PFN4: variants seen among roughly 807,000 people sequenced by gnomAD.
PFN4 encodes the protein profilin-4.
Under a neutral mutation model 16.3 loss-of-function variants are expected in PFN4, and 10 were observed. The observed-to-expected ratio is 0.61, with a 90% CI of 0.38 to 1.04. The LOEUF (loss-of-function observed/expected upper bound fraction) is 1.04, where lower values mean the gene tolerates loss of function less well. PFN4 is among the 50% of genes least tolerant of loss of function. The pLI is 0.01. For missense variants in PFN4, 136 were observed against 153.6 expected (o/e 0.89, Z 0.61); for synonymous variants, 54 against 56.9 (o/e 0.95, Z 0.23).
chr2:24,121,196 GAC>G lies in PFN4; in HGVS notation c.220_221del (p.Val74ProfsTer4). The G allele has an allele frequency of 6.2e-7, 1 of 1,614,122 alleles. No homozygotes were observed. The highest frequency in any genetic ancestry group is 1.1e-5 in the South Asian group (1 of 91,070). ...CATAAAGAGAATATTCATCTGCCCG[GAC>G]ACATCTGTAATCTTTTCCCTTGAAA... ...LYFKGKDYRC[V>X]RADEYSLYAK... On this transcript the variant is annotated frameshift_variant, in exon 3 of 5. Transcript: ENST00000313213. LOFTEE classifies it high-confidence loss of function.
At chr2:24,120,290 A>C (rs2151007023) in intron 3 of PFN4, among the ~76,000 whole-genome samples, 1 of 151,968 alleles carries the variant, frequency 6.6e-6, no homozygotes, top group South Asian at 2.1e-4. Flanking sequence ...CAACAACAAA[A>C]CAAAACAAAA....
chr2:24,119,393 G>A (rs2151005832), intron 4 of PFN4, among the ~76,000 whole-genome samples, 184 bp downstream of exon 4: 1 of 152,172 alleles, frequency 6.6e-6, no homozygotes, highest in East Asian at 1.9e-4. Context: ...TCCAGTCCCT[G>A]AATCTACCTT....
chr2:24,116,117 A>G (rs2151002662), intron 4 of PFN4, among the ~76,000 whole-genome samples: 1 of 152,088 alleles, frequency 6.6e-6, no homozygotes, highest in South Asian at 2.1e-4. Flanking sequence ...TCATGAGGTC[A>G]GGAGATCGAG....
intron 4 of PFN4, 84 bp downstream of exon 4, chr2:24,119,493 G>T: frequency 1.1e-6 from 1 of 949,236 alleles, no homozygotes; most frequent in Non-Finnish European, 1.6e-6. Context: ...TGCCCTAGCT[G>T]GTTTGAGTTG....
chr2:24,121,049 G>T, intron 3 of PFN4, 114 bp downstream of exon 3: 1 of 1,378,132 alleles, frequency 7.3e-7, no homozygotes, highest in Non-Finnish European at 9.9e-7. Flanking sequence ...CAAGACAATG[G>T]CTCAAGACAT....
Position 24,122,486 on chromosome 2 carries a change from T to A in PFN4, c.50A>T (p.His17Leu). The A allele has an allele frequency of 5.0e-6, 8 of 1,614,192 alleles. No homozygotes were observed. The highest frequency in any genetic ancestry group is 1.1e-5 in the South Asian group (1 of 91,086). The part of the protein sequence containing the change: ...LLLDTLLGTK[H>L]VDSAALIKIQ... ...TTTGATGAGGGCTGCACTGTCCACA[T>A]GCTTGGTTCCCAAGAGGGTGTCTAA... is the stretch of plus-strand genomic sequence containing the variant. The change falls in exon 2 of 5, where the codon CAT becomes CTT. Residue 17 changes from histidine to leucine, a missense_variant. By Grantham distance (99) the His-to-Leu change is moderately conservative. Transcript: ENST00000313213.
Position 24,115,291 on chromosome 2 carries a change from G to A in PFN4, c.*292C>T, listed in dbSNP as rs1342315384. ...GCATTCTTGGCATACTTAGCAAGGT[G>A]TGTAGGAGTACAAGAGCCTCACAGA... is the stretch of plus-strand genomic sequence containing the variant. On this transcript the variant is annotated 3_prime_UTR_variant, in exon 5 of 5. Transcript: ENST00000313213. 1.0e-5 allele frequency: 4 copies of A among 382,402 alleles called. No homozygotes were observed. The Admixed American group carries it at 1.5e-4, about 15-fold the overall frequency. The allele number at this position is 382,402 out of a possible 1,614,324, so 23.7% of individuals were successfully genotyped here. A position where few individuals can be genotyped will look rare whatever the true frequency, so the allele number is the denominator to read the frequency against.
intron 4 of PFN4, 81 bp from the exon 5 acceptor site, chr2:24,115,692 C>T (rs1468811003): frequency 1.5e-5 from 22 of 1,484,922 alleles, no homozygotes; most frequent in Non-Finnish European, 1.9e-5. Flanking sequence ...TTTATTATTC[C>T]ACAAACATTG....
In PFN4 at chr2:24,122,451, G is replaced by T. The variant is rs780066510; in HGVS notation, c.85C>A (p.Arg29=). The change falls in exon 2 of 5, where the codon CGG becomes AGG. Residue 29 remains arginine (R), a synonymous_variant. Coordinates refer to ENST00000313213, the MANE Select transcript of PFN4 (RefSeq NM_199346.3). ...CCTGGTGATGCTACACACAAGCTCC[G>T]CTCCTGGATTTTGATGAGGGCTGCA... ...DSAALIKIQE[R]SLCVASPGFN... is the part of the protein sequence containing the mutation. 11 of 1,613,752 alleles carry T rather than the reference G, an allele frequency of 6.8e-6. No homozygotes were observed. The East Asian group carries it at 2.5e-4, about 36-fold the overall frequency.
At chr2:24,122,326 C>CAAAA (rs71397404) in intron 2 of PFN4, 93 bp downstream of exon 2, 62,376 of 731,804 alleles carry the variant, frequency 0.085, 1,304 homozygotes, top group South Asian at 0.1. Flanking sequence ...AATTCCGTCT[C>CAAAA]AAAAAAAAAA....
intron 4 of PFN4, among the ~76,000 whole-genome samples, chr2:24,116,137 G>C (rs1665909708): frequency 6.6e-6 from 1 of 151,978 alleles, no homozygotes; most frequent in Non-Finnish European, 1.5e-5. Context: ...GACCATCCTG[G>C]CTAACATGGT....
At chr2:24,117,884 A>G (rs1665976168) in intron 4 of PFN4, among the ~76,000 whole-genome samples, 1 of 152,236 alleles carries the variant, frequency 6.6e-6, no homozygotes, top group South Asian at 2.1e-4. Context: ...AGCCTTGTCC[A>G]TCCTTCCTGA....
chr2:24,122,556 G>C lies in PFN4; in HGVS notation c.-12-9C>G. On this transcript the variant is annotated splice_polypyrimidine_tract_variant and intron_variant, in intron 1 of 4. Transcript: ENST00000313213. ...CTCATGTTCCCTCAACTCTGAAAGG[G>C]AAAGTGCAGTTGAAGCCATTGACTC... is the stretch of plus-strand genomic sequence containing the variant. 1 of 1,553,302 alleles carries C rather than the reference G, an allele frequency of 6.4e-7. No homozygotes were observed. Among genetic ancestry groups the C allele is most frequent in the Non-Finnish European group, 8.9e-7 (1 of 1,127,030 alleles).
chr2:24,122,190 G>A (rs1383141719), intron 2 of PFN4, among the ~76,000 whole-genome samples: 1 of 151,878 alleles, frequency 6.6e-6, no homozygotes, highest in Non-Finnish European at 1.5e-5. Context: ...AAATTAGCCG[G>A]GCCTGGTAGC....
chr2:24,117,400 ATCTT>A (rs988413624), intron 4 of PFN4, among the ~76,000 whole-genome samples: 3 of 150,872 alleles, frequency 2.0e-5, no homozygotes, highest in Non-Finnish European at 4.4e-5. Flanking sequence ...TGCCCCTAGA[ATCTT>A]TCATAATACA....
chr2:24,116,635 A>G (rs1665927124), intron 4 of PFN4, among the ~76,000 whole-genome samples: 1 of 152,084 alleles, frequency 6.6e-6, no homozygotes. Flanking sequence ...CGGGCAGATC[A>G]CTTGAAGTCA....
intron 1 of PFN4, 183 bp from the exon 2 acceptor site, chr2:24,122,730 T>C (rs1359664138): frequency 4.2e-6 from 2 of 476,618 alleles, no homozygotes; most frequent in African/African-American, 3.9e-5. Flanking sequence ...GAAAACAGAA[T>C]CATAGAAAAA....
rs564029354 is a variant in PFN4, at chr2:24,121,429, A to G, written c.118-129T>C. ...TTTTCATGTTTTTAAATGGTTGGGG[A>G]AAAAAAATCAAAAGAATAACACTTC... On this transcript the variant is annotated intron_variant, in intron 2 of 4. Transcript: ENST00000313213. 377 of 783,086 alleles carry G rather than the reference A, an allele frequency of 4.8e-4. No homozygotes were observed. The African/African-American group carries it at 5.9e-3, about 12-fold the overall frequency. 48.5% of individuals were successfully genotyped at this position (783,086 alleles called of 1,614,324 possible). A position where few individuals can be genotyped will look rare whatever the true frequency, so the allele number is the denominator to read the frequency against.
intron 4 of PFN4, among the ~76,000 whole-genome samples, chr2:24,116,039 C>G (rs1665906983): frequency 6.6e-6 from 1 of 151,758 alleles, no homozygotes; most frequent in Non-Finnish European, 1.5e-5. Flanking sequence ...AGACTTAAAA[C>G]TGATTACGGC....
Sources: allele counts gnomAD v4.1 joint callset (sites outside exome capture counted in the v4.1 genomes callset), GRCh38; gene constraint gnomAD v4.1.1; transcripts MANE v1.5; gene names NCBI Gene and HGNC (gene_info 2026-07-23, HGNC 2026-07-21).